Variants in KIF3C observed in about 807,000 individuals in gnomAD.
KIF3C encodes the protein kinesin family member 3C.
KIF3C carries 12 observed loss-of-function variants against 67.7 expected under a neutral mutation model. The ratio of observed to expected loss-of-function variants is 0.18; its 90% CI spans 0.11 to 0.29. The LOEUF is 0.29. Ranked by LOEUF, KIF3C falls within the 10% of genes least tolerant of loss-of-function variation. The pLI is 1.00. For missense variants in KIF3C, 789 were observed against 1,059.6 expected, an observed-to-expected ratio of 0.74 and a Z score of 3.55; for synonymous variants, 393 against 426.2, an observed-to-expected ratio of 0.92 and a Z score of 0.96.
intron 1 of KIF3C, among the ~76,000 whole-genome samples, chr2:25,966,805 T>A (rs780564976): frequency 3.9e-5 from 6 of 152,268 alleles, no homozygotes; most frequent in Non-Finnish European, 8.8e-5. Flanking sequence ...GAGTCTCAGA[T>A]GCAACTGGCC....
At chr2:25,979,182 C>T (rs1664494661) in intron 1 of KIF3C, among the ~76,000 whole-genome samples, 1 of 152,118 alleles carries the variant, frequency 6.6e-6, no homozygotes, top group South Asian at 2.1e-4. Flanking sequence ...GTTGAAGGCT[C>T]CAGGGGCCTG....
intron 1 of KIF3C, among the ~76,000 whole-genome samples, chr2:25,977,540 AG>A (rs1664447931): frequency 6.6e-6 from 1 of 152,178 alleles, no homozygotes; most frequent in Admixed American, 6.5e-5. Context: ...CTGGGATGGC[AG>A]GGTAAAGAAG....
intron 1 of KIF3C, among the ~76,000 whole-genome samples, chr2:25,977,494 C>T (rs1256014870): frequency 1.3e-5 from 2 of 152,124 alleles, no homozygotes; most frequent in Non-Finnish European, 2.9e-5. Flanking sequence ...CTGCCTGGCT[C>T]TACTCCCAGC....
intron 1 of KIF3C, among the ~76,000 whole-genome samples, chr2:25,963,386 A>G (rs984729959): frequency 6.9e-6 from 1 of 144,606 alleles, no homozygotes; most frequent in Non-Finnish European, 1.5e-5. Flanking sequence ...TTTGTATTTT[A>G]TTGTAGAGAC....
chr2:25,949,131 G>A (rs185077120), intron 5 of KIF3C, among the ~76,000 whole-genome samples: 13 of 152,194 alleles, frequency 8.5e-5, no homozygotes, highest in African/African-American at 2.4e-4. Flanking sequence ...CTCATTTTTC[G>A]GAAGTACAGG....
At chr2:25,974,361 C>T (rs1664358416) in intron 1 of KIF3C, among the ~76,000 whole-genome samples, 1 of 152,146 alleles carries the variant, frequency 6.6e-6, no homozygotes, top group Non-Finnish European at 1.5e-5. Context: ...AGCCACCGCG[C>T]CCGGCCTTTT....
intron 5 of KIF3C, among the ~76,000 whole-genome samples, chr2:25,946,416 C>A (rs1482936774): frequency 6.6e-6 from 1 of 151,856 alleles, no homozygotes; most frequent in African/African-American, 2.4e-5. Context: ...TTAGGCCGGG[C>A]ATGGTGGCTC....
At chr2:25,977,059 A>G (rs73920217) in intron 1 of KIF3C, among the ~76,000 whole-genome samples, 2,163 of 152,164 alleles carry the variant, frequency 0.014, 56 homozygotes, top group African/African-American at 0.049. Flanking sequence ...ACACTACATA[A>G]GTATAAATTG....
rs1204756164 is a variant in KIF3C, at chr2:25,927,179, CA to C, written c.*1798del. On this transcript the variant is annotated 3_prime_UTR_variant, in exon 8 of 8. Coordinates refer to ENST00000264712, the MANE Select transcript of KIF3C (RefSeq NM_002254.8). Reference sequence around the variant, plus strand: ...GTGAGGGAGGTGTGACAAGACAATGCAAAGGCGATGTGTCCAAGTGATGAAT... The same window carrying C: ...GTGAGGGAGGTGTGACAAGACAATGCAAGGCGATGTGTCCAAGTGATGAAT... The C allele has an allele frequency of 3.3e-5, 5 of 152,820 alleles. No homozygotes were observed. The highest frequency in any genetic ancestry group is 1.2e-4 in the African/African-American group (5 of 41,582). 9.5% of individuals were successfully genotyped at this position (152,820 alleles called of 1,614,324 possible). A position where few individuals can be genotyped will look rare whatever the true frequency, so the allele number is the denominator to read the frequency against.
chr2:25,962,974 A>T (rs11899628), intron 1 of KIF3C, among the ~76,000 whole-genome samples: 3 of 39,860 alleles, frequency 7.5e-5, no homozygotes, highest in Non-Finnish European at 1.1e-4. Flanking sequence ...TATAATATAT[A>T]ATATATAATA....
intron 7 of KIF3C, 110 bp downstream of exon 7, chr2:25,929,195 T>C (rs1459751343): frequency 5.0e-6 from 7 of 1,404,554 alleles, no homozygotes; most frequent in Non-Finnish European, 4.0e-6. Context: ...AGTCACCCCT[T>C]GCCCTTCCTG....
At chr2:25,976,654 G>C (rs560416102) in intron 1 of KIF3C, among the ~76,000 whole-genome samples, 10 of 152,250 alleles carry the variant, frequency 6.6e-5, no homozygotes, top group African/African-American at 2.4e-4. Context: ...CCAGCTACTA[G>C]GGAGGATGAG....
intron 1 of KIF3C, among the ~76,000 whole-genome samples, chr2:25,971,445 AAAAAAG>A (rs1664282793): frequency 6.6e-6 from 1 of 152,012 alleles, no homozygotes; most frequent in African/African-American, 2.4e-5. Flanking sequence ...TCTCAAAAAA[AAAAAAG>A]AAAAAGAAAA....
At chr2:25,944,904 G>A (rs1417406172) in intron 5 of KIF3C, among the ~76,000 whole-genome samples, 6 of 152,162 alleles carry the variant, frequency 3.9e-5, no homozygotes. Flanking sequence ...GCTGAGGTGA[G>A]TGGATCACCT....
chr2:25,967,253 G>C lies in KIF3C; in HGVS notation c.1546-10809C>G, dbSNP rs183205194. ...GGGTTAGAGCTCTTAACTGTGTGCT[G>C]GCAGGGAGGTTGTCAGGATCCCTAG... On this transcript the variant is annotated intron_variant, in intron 1 of 7. Transcript: ENST00000264712. Among the ~76,000 whole-genome samples, 110 of 152,240 alleles carry C rather than the reference G, an allele frequency of 7.2e-4. 1 individual carries two copies. The East Asian group carries it at 0.02, about 27-fold the overall frequency.
intron 5 of KIF3C, among the ~76,000 whole-genome samples, chr2:25,950,767 T>C (rs528544815): frequency 6.6e-6 from 1 of 152,232 alleles, no homozygotes; most frequent in South Asian, 2.1e-4. Context: ...AGGTGGATTG[T>C]AGGTGCAAAG....
intron 1 of KIF3C, among the ~76,000 whole-genome samples, chr2:25,977,452 G>C (rs146017864): frequency 2.2e-4 from 33 of 152,246 alleles, no homozygotes; most frequent in Non-Finnish European, 3.7e-4. Flanking sequence ...TGCAGATGGG[G>C]AGCCTGCCTT....
At chr2:25,964,294 AAAAATAAAATAAAT>A (rs1222949343) in intron 1 of KIF3C, among the ~76,000 whole-genome samples, 2 of 152,202 alleles carry the variant, frequency 1.3e-5, no homozygotes, top group Admixed American at 6.5e-5. Context: ...ACTCTGTCTC[AAAAATAAAATAAAT>A]AAAATAAAAT....
In KIF3C at chr2:25,982,007, G is replaced by A; in HGVS notation, c.-90C>T. ...CGCTAGGTCGGGATCAGCGGGGCCGGCCCAGCCCCCAGGCGCAGCTCTTCA... is the reference window on the plus strand; with the variant it reads ...CGCTAGGTCGGGATCAGCGGGGCCGACCCAGCCCCCAGGCGCAGCTCTTCA... On this transcript the variant is annotated 5_prime_UTR_variant, in exon 1 of 8. Transcript: ENST00000264712. The A allele has an allele frequency of 9.2e-7, 1 of 1,092,484 alleles. No homozygotes were observed. The highest frequency in any genetic ancestry group is 1.3e-6 in the Non-Finnish European group (1 of 782,358). 67.7% of individuals were successfully genotyped at this position (1,092,484 alleles called of 1,614,324 possible).
Sources: gnomAD v4.1 joint callset for allele counts (sites outside exome capture counted in the v4.1 genomes callset) on GRCh38, gnomAD v4.1.1 for gene constraint, MANE v1.5 for transcripts, NCBI Gene and HGNC (gene_info 2026-07-23, HGNC 2026-07-21) for gene names.